The following FBXO25 variants were observed in gnomAD, a reference collection of about 807,000 sequenced individuals.
FBXO25 encodes the protein F-box protein 25.
In FBXO25, 45 loss-of-function variants were observed where a neutral mutation model predicts 51.9. The observed-to-expected ratio is 0.87, with a 90% CI of 0.68 to 1.11. FBXO25 has a LOEUF of 1.11. FBXO25 is among the 50% of genes most tolerant of loss of function. The pLI is 0.00. For synonymous variants in FBXO25, 199 were observed against 151.0 expected (o/e 1.32, Z -2.33); for missense variants, 507 against 428.5 (o/e 1.18, Z -1.62).
At position 475,522 on chromosome 8, in the gene FBXO25, G is replaced by A. The variant is rs964366155; in HGVS notation, c.*6718G>A. 2.0e-5 allele frequency: 3 copies of A among 152,086 alleles called. No homozygotes were observed. The highest frequency in any genetic ancestry group is 7.3e-5 in the African/African-American group (3 of 41,344). The allele number at this position is 152,086 out of a possible 1,614,324, so 9.4% of individuals were successfully genotyped here. On this transcript the variant is annotated 3_prime_UTR_variant, in exon 10 of 10. Coordinates refer to ENST00000350302, the MANE Select transcript of FBXO25 (RefSeq NM_183420.2). ...AAATCTATAGATTGCTTTGGACTAT[G>A]GACATCTTAAGGTATCCAATCCATA...
intron 5 of FBXO25, among the ~76,000 whole-genome samples, chr8:436,131 A>G (rs1216269702): frequency 1.3e-5 from 2 of 152,228 alleles, no homozygotes; most frequent in Non-Finnish European, 1.5e-5. Context: ...GCTAATAGAA[A>G]ACAGGAATTT....
rs778593086 is a variant in FBXO25, at chr8:450,012, C to T, written c.404C>T (p.Ser135Phe). ...VVKLLQLIAK[S>F]QLTSLSGVAQ... is the part of the protein sequence containing the mutation. ...AAGCTGTTGCAGCTAATTGCAAAATCCCAGTTAACTTCATTGAGTGGCGTG... is the reference window on the plus strand; with the variant it reads ...AAGCTGTTGCAGCTAATTGCAAAATTCCAGTTAACTTCATTGAGTGGCGTG... Residue 135 changes from serine (S) to phenylalanine (F), a missense_variant, in exon 6 of 10, where the codon TCC (serine) becomes TTC (phenylalanine). By Grantham distance (155) the Ser-to-Phe change is radical (BLOSUM62 -2). Coordinates refer to ENST00000350302, the MANE Select transcript of FBXO25 (RefSeq NM_183420.2). 8.7e-6 allele frequency: 14 copies of T among 1,610,902 alleles called. No individual in the cohort carries two copies. The highest frequency in any genetic ancestry group is 3.3e-4 in the Middle Eastern group (2 of 6,074).
At chr8:446,333 G>C (rs188198610) in intron 5 of FBXO25, among the ~76,000 whole-genome samples, 1 of 152,220 alleles carries the variant, frequency 6.6e-6, no homozygotes, top group East Asian at 1.9e-4. Flanking sequence ...TTCCTTTGAG[G>C]AATAAAAGAT....
At chr8:421,633 A>T (rs149518151) in intron 2 of FBXO25, among the ~76,000 whole-genome samples, 2 of 152,152 alleles carry the variant, frequency 1.3e-5, no homozygotes, top group Admixed American at 1.3e-4. Context: ...ATGTGGGTCT[A>T]TGCATGTGTG....
chr8:431,475 T>C, intron 3 of FBXO25, 31 bp downstream of exon 3: 2 of 1,146,504 alleles, frequency 1.7e-6, no homozygotes, highest in Non-Finnish European at 2.5e-6. Context: ...TTTATTTTAC[T>C]TGTTGATTAC....
chr8:461,721 C>G lies in FBXO25; in HGVS notation c.844-1286C>G, dbSNP rs116139936. ...TAATCGACTTTCTGTCTCTGTGTTT[C>G]CCTGTTCTGGATGTGTAATGTAAGA... On this transcript the variant is annotated intron_variant, in intron 8 of 9. Coordinates refer to ENST00000350302, the MANE Select transcript of FBXO25 (RefSeq NM_183420.2). Among the ~76,000 whole-genome samples the G allele has an allele frequency of 9.9e-4, 150 of 152,276 alleles. 1 individual carries two copies. Among genetic ancestry groups the G allele is most frequent in the African/African-American group, 3.2e-3 (131 of 41,574 alleles).
chr8:421,486 G>C (rs1246402935), intron 2 of FBXO25, among the ~76,000 whole-genome samples: 1 of 152,192 alleles, frequency 6.6e-6, no homozygotes, highest in Admixed American at 6.5e-5. Context: ...GCATGGGTTA[G>C]CAATCTCAAA....
intron 2 of FBXO25, among the ~76,000 whole-genome samples, chr8:419,191 C>G (rs1395985055): frequency 6.6e-6 from 1 of 151,144 alleles, no homozygotes; most frequent in Non-Finnish European, 1.5e-5. Context: ...GAAACCCCGT[C>G]TCTACTAAAA....
intron 1 of FBXO25, among the ~76,000 whole-genome samples, chr8:411,225 T>C (rs1316825974): frequency 6.6e-6 from 1 of 152,234 alleles, no homozygotes; most frequent in Admixed American, 6.5e-5. Flanking sequence ...TACCTTTCTG[T>C]AGCTAAATTC....
chr8:419,232 G>A (rs1426541254), intron 2 of FBXO25, among the ~76,000 whole-genome samples: 3 of 152,112 alleles, frequency 2.0e-5, no homozygotes, highest in Non-Finnish European at 2.9e-5. Flanking sequence ...AGCCGAGCGT[G>A]GTGACAGGTG....
In FBXO25 at chr8:477,149, A is replaced by C. The variant is rs573456376; in HGVS notation, c.*8345A>C. On this transcript the variant is annotated 3_prime_UTR_variant, in exon 10 of 10. Coordinates refer to ENST00000350302, the MANE Select transcript of FBXO25 (RefSeq NM_183420.2). Reference sequence around the variant, plus strand: ...TCATCCCACTGTGGCCAGAAAAGATATTTTATTTCCTCAGTCTTTTGAAAT... The same window carrying C: ...TCATCCCACTGTGGCCAGAAAAGATCTTTTATTTCCTCAGTCTTTTGAAAT... 6.6e-6 allele frequency: 1 copy of C among 152,276 alleles called. No homozygotes were observed. The highest frequency in any genetic ancestry group is 2.4e-5 in the African/African-American group (1 of 41,552). 9.4% of individuals were successfully genotyped at this position (152,276 alleles called of 1,614,324 possible). A position where few individuals can be genotyped will look rare whatever the true frequency, so the allele number is the denominator to read the frequency against.
rs1013410973 is a variant in FBXO25, at chr8:438,057, A to G, written c.381+2350A>G. ...AATTTGTGTGAAAAACTTAATGTGT[A>G]TCTTTTTTTTTTTTTTAGATGGAGT... On this transcript the variant is annotated intron_variant, in intron 5 of 9. Transcript: ENST00000350302. 5.3e-5 allele frequency among the ~76,000 whole-genome samples: 8 copies of G among 150,626 alleles called. No individual in the cohort carries two copies. The East Asian group carries it at 9.8e-4, about 18-fold the overall frequency.
intron 5 of FBXO25, among the ~76,000 whole-genome samples, chr8:448,368 C>G (rs913489798): frequency 1.1e-4 from 16 of 152,302 alleles, no homozygotes; most frequent in African/African-American, 3.6e-4. Flanking sequence ...GCTGAACAAA[C>G]ATGTCGTCTC....
In FBXO25 at chr8:468,721, G is replaced by C. The variant is rs771571497; in HGVS notation, c.994G>C (p.Gly332Arg). The change falls in exon 10 of 10, where the codon GGA becomes CGA. Residue 332 changes from glycine (G) to arginine (R), a missense_variant. Physicochemically the swap from Gly to Arg is moderately radical, Grantham distance 125 (BLOSUM62 -2). Transcript: ENST00000350302. The stretch of plus-strand genomic sequence containing the variant: ...ATCTCCCACCTCCCCACAGGACTCA[G>C]GACACCCCTGCACGGCGGCCGACCC... Reference protein sequence around the residue: ...HCSILFWKDSGHPCTAADPDS... With the variant: ...HCSILFWKDSRHPCTAADPDS... 1 of 1,613,778 alleles carries C rather than the reference G, an allele frequency of 6.2e-7. No homozygotes were observed. The highest frequency in any genetic ancestry group is 8.5e-7 in the Non-Finnish European group (1 of 1,179,964).
At chr8:459,534 A>C (rs1386759971) in intron 8 of FBXO25, among the ~76,000 whole-genome samples, 3 of 152,216 alleles carry the variant, frequency 2.0e-5, no homozygotes, top group Non-Finnish European at 4.4e-5. Context: ...TTTGAGGACT[A>C]GGCTGGAGTG....
intron 8 of FBXO25, among the ~76,000 whole-genome samples, chr8:459,668 G>A (rs1211607967): frequency 6.6e-6 from 1 of 152,252 alleles, no homozygotes; most frequent in Non-Finnish European, 1.5e-5. Flanking sequence ...GCCACAGGAA[G>A]GGGCTGGCCT....
chr8:430,776 G>A (rs904603970), intron 2 of FBXO25, among the ~76,000 whole-genome samples: 1 of 152,212 alleles, frequency 6.6e-6, no homozygotes, highest in African/African-American at 2.4e-5. Context: ...TCACGAAGAA[G>A]AAAAGCTTTT....
At chr8:447,047 G>C (rs1379988148) in intron 5 of FBXO25, among the ~76,000 whole-genome samples, 1 of 152,244 alleles carries the variant, frequency 6.6e-6, no homozygotes, top group African/African-American at 2.4e-5. Context: ...GAACTGAGCA[G>C]AAGGGCTTAG....
At chr8:448,437 G>T (rs564850965) in intron 5 of FBXO25, among the ~76,000 whole-genome samples, 6 of 152,344 alleles carry the variant, frequency 3.9e-5, no homozygotes, top group Admixed American at 3.9e-4. Flanking sequence ...AGATAGTGGA[G>T]TAATCCTTAC....
Sources: allele counts gnomAD v4.1 joint callset (sites outside exome capture counted in the v4.1 genomes callset), GRCh38; gene constraint gnomAD v4.1.1; transcripts MANE v1.5; gene names NCBI Gene and HGNC (gene_info 2026-07-23, HGNC 2026-07-21).